Variants in TERF2 observed in about 807,000 individuals in gnomAD.
TERF2 encodes telomeric repeat binding factor 2, also known as telomeric repeat-binding factor 2.
TERF2 carries 16 observed loss-of-function variants against 56.1 expected under a neutral mutation model. That is an observed-to-expected ratio of 0.29 (90% CI 0.19 to 0.43). The LOEUF (loss-of-function observed/expected upper bound fraction) is 0.43. Ranked by LOEUF, TERF2 falls within the 20% of genes least tolerant of loss-of-function variation. TERF2 has a pLI of 1.00. For synonymous variants in TERF2, 296 were observed against 282.1 expected, an observed-to-expected ratio of 1.05 and a Z score of -0.50; for missense variants, 547 against 712.9, an observed-to-expected ratio of 0.77 and a Z score of 2.65.
At chr16:69,380,623 C>T (rs1379108474) in intron 3 of TERF2, among the ~76,000 whole-genome samples, 2 of 149,792 alleles carry the variant, frequency 1.3e-5, no homozygotes, top group East Asian at 4.1e-4. Context: ...CGCCACTATA[C>T]TCCAGCCTGG....
At position 69,356,715 on chromosome 16, in the gene TERF2, G is replaced by A. The variant is rs984470533; in HGVS notation, c.*183C>T. The A allele has an allele frequency of 6.9e-6, 4 of 580,952 alleles. No homozygotes were observed. The African/African-American group carries it at 7.7e-5, about 11-fold the overall frequency. The allele number at this position is 580,952 out of a possible 1,614,324, so 36.0% of individuals were successfully genotyped here. ...CTCGGGAGGCTGAGGCAGGAGAATG[G>A]CGTGAGCCCGGGAGACGGAGGTCGC... On this transcript the variant is annotated 3_prime_UTR_variant, in exon 10 of 10. Coordinates refer to ENST00000254942, the MANE Select transcript of TERF2 (RefSeq NM_005652.5).
chr16:69,385,908 C>G lies in TERF2; in HGVS notation c.64G>C (p.Ala22Pro), dbSNP rs1463783961. Residue 22 changes from alanine (A) to proline (P), a missense_variant, in exon 1 of 10, where the codon GCG becomes CCG. Around this residue, in one of 6 missense-constraint regions of TERF2, gnomAD observed 85 missense variants for 59.5 expected, o/e 1.43. Transcript: ENST00000254942. The part of the protein sequence containing the change: ...SGPGVVRDPA[A>P]SQPRKRPGRE... ...CCGGGCCGCTTCCTCGGCTGTGACG[C>G]CGCTGGGTCACGCACGACGCCCGGG... 6 of 1,393,808 alleles carry G rather than the reference C, an allele frequency of 4.3e-6. No individual in the cohort carries two copies. In the African/African-American group the frequency reaches 7.5e-5, roughly 17 times the overall value. The allele number at this position is 1,393,808 out of a possible 1,614,324, so 86.3% of individuals were successfully genotyped here.
At chr16:69,369,635 C>G (rs1567448912) in intron 5 of TERF2, among the ~76,000 whole-genome samples, 1 of 152,152 alleles carries the variant, frequency 6.6e-6, no homozygotes, top group Non-Finnish European at 1.5e-5. Context: ...AAACCACTCT[C>G]ACTCAGTGTT....
At chr16:69,367,280 G>T (rs2013388909) in intron 6 of TERF2, 81 bp from the exon 7 acceptor site, 2 of 1,459,152 alleles carry the variant, frequency 1.4e-6, no homozygotes, top group African/African-American at 2.8e-5. Context: ...TTTGAAGTTT[G>T]AAGCTTCAAA....
At chr16:69,384,776 T>G in intron 2 of TERF2, 66 bp from the exon 3 acceptor site, 1 of 1,381,620 alleles carries the variant, frequency 7.2e-7, no homozygotes, top group Non-Finnish European at 9.7e-7. Flanking sequence ...TGTCCAAAAA[T>G]TATATATATA....
intron 3 of TERF2, among the ~76,000 whole-genome samples, chr16:69,381,186 G>A (rs1162418892): frequency 1.3e-5 from 2 of 152,144 alleles, no homozygotes; most frequent in African/African-American, 4.8e-5. Flanking sequence ...TCAAGCACAT[G>A]AATACAAGTT....
intron 3 of TERF2, among the ~76,000 whole-genome samples, chr16:69,380,858 G>C (rs2013974276): frequency 6.7e-6 from 1 of 149,502 alleles, no homozygotes; most frequent in Non-Finnish European, 1.5e-5. Context: ...CTGGAGTGCA[G>C]TGGTGTGATC....
intron 7 of TERF2, 173 bp downstream of exon 7, chr16:69,366,634 C>T (rs1597246220): frequency 2.4e-6 from 2 of 839,146 alleles, no homozygotes; most frequent in East Asian, 2.7e-5. Context: ...GGCTTCAGAA[C>T]CGGCAGGGAT....
intron 7 of TERF2, among the ~76,000 whole-genome samples, chr16:69,362,960 G>A (rs574763427): frequency 3.1e-4 from 47 of 152,264 alleles, no homozygotes; most frequent in African/African-American, 1.1e-3. Context: ...GCAAGTTGAT[G>A]AATAAGTACA....
At chr16:69,384,854 G>A (rs959740872) in intron 2 of TERF2, 144 bp from the exon 3 acceptor site, 1 of 764,422 alleles carries the variant, frequency 1.3e-6, no homozygotes, top group African/African-American at 1.8e-5. Context: ...ATTTGCTACA[G>A]GTTGACATAC....
chr16:69,359,613 T>C (rs1355942807), intron 8 of TERF2, among the ~76,000 whole-genome samples: 1 of 148,940 alleles, frequency 6.7e-6, no homozygotes, highest in Non-Finnish European at 1.5e-5. Flanking sequence ...ATCTTCCTCT[T>C]ACTATCATTC....
intron 8 of TERF2, among the ~76,000 whole-genome samples, chr16:69,358,786 T>C (rs531316716): frequency 5.3e-4 from 81 of 152,354 alleles, no homozygotes; most frequent in Middle Eastern, 3.4e-3. Flanking sequence ...ACCAAAAACA[T>C]TGGTGCAACT....
intron 3 of TERF2, among the ~76,000 whole-genome samples, chr16:69,373,765 C>A (rs1407448497): frequency 1.3e-5 from 2 of 152,044 alleles, no homozygotes; most frequent in East Asian, 3.9e-4. Context: ...TCTGGGAGAT[C>A]GGGGCTGCAG....
At chr16:69,370,027 ATTAT>A (rs777599088) in intron 5 of TERF2, among the ~76,000 whole-genome samples, 1 of 151,842 alleles carries the variant, frequency 6.6e-6, no homozygotes, top group African/African-American at 2.4e-5. Flanking sequence ...CTGCTTTTGT[ATTAT>A]TTATTTATTT....
Position 69,385,952 on chromosome 16 carries a change from G to A in TERF2, c.20C>T (p.Thr7Met), listed in dbSNP as rs992001633. Reference sequence around the variant, plus strand: ...GCCCGGGCCGGAAGCGGGGCCCGCCGTCCCGGCTCCCGCGGCCATGATAGA... The same window carrying A: ...GCCCGGGCCGGAAGCGGGGCCCGCCATCCCGGCTCCCGCGGCCATGATAGA... MAAGAGTAGPASGPGVV... is the reference protein window; with the variant it reads MAAGAGMAGPASGPGVV... Residue 7 changes from threonine to methionine, a missense_variant, in exon 1 of 10, where the codon ACG becomes ATG. Thr to Met is a moderately conservative substitution (Grantham distance 81). Coordinates refer to ENST00000254942, the MANE Select transcript of TERF2 (RefSeq NM_005652.5). 24 of 1,361,012 alleles carry A rather than the reference G, an allele frequency of 1.8e-5. No homozygotes were observed. Among genetic ancestry groups the A allele is most frequent in the Admixed American group, 3.5e-5 (1 of 28,822 alleles). 84.3% of individuals were successfully genotyped at this position (1,361,012 alleles called of 1,614,324 possible). A position where few individuals can be genotyped will look rare whatever the true frequency, so the allele number is the denominator to read the frequency against.
chr16:69,379,034 T>C (rs2013899150), intron 3 of TERF2, among the ~76,000 whole-genome samples: 1 of 152,176 alleles, frequency 6.6e-6, no homozygotes, highest in Non-Finnish European at 1.5e-5. Flanking sequence ...CTCTTACGTA[T>C]TTGTTAAGGT....
intron 3 of TERF2, among the ~76,000 whole-genome samples, chr16:69,380,802 AT>A (rs1159431847): frequency 0.026 from 3,723 of 140,670 alleles, 74 homozygotes; most frequent in Admixed American, 0.036. Context: ...ACATTCATTA[AT>A]TTTTTTTTTT....
intron 7 of TERF2, 117 bp downstream of exon 7, chr16:69,366,690 G>C (rs755134540): frequency 7.4e-7 from 1 of 1,344,912 alleles, no homozygotes; most frequent in Non-Finnish European, 9.9e-7. Flanking sequence ...CTAGCAGTCT[G>C]AGCAAGCCTT....
intron 7 of TERF2, chr16:69,366,241 G>A (rs932311023): frequency 6.5e-6 from 1 of 152,826 alleles, no homozygotes; most frequent in Non-Finnish European, 1.5e-5. Context: ...AGTCTGCCTG[G>A]AGGGAGGATC....
Sources: allele counts gnomAD v4.1 joint callset (sites outside exome capture counted in the v4.1 genomes callset), GRCh38; gene constraint gnomAD v4.1.1; regional missense constraint gnomAD v4.1.1; transcripts MANE v1.5; gene names NCBI Gene and HGNC (gene_info 2026-07-23, HGNC 2026-07-21).